Variants in ARPC5 observed in about 807,000 individuals in gnomAD.
The protein encoded by ARPC5 is actin-related protein 2/3 complex subunit 5.
In ARPC5, 5 loss-of-function variants were observed where a neutral mutation model predicts 15.4. That is an observed-to-expected ratio of 0.32 (90% CI 0.17 to 0.68). The LOEUF is 0.68. Ranked by LOEUF, ARPC5 falls within the 30% of genes least tolerant of loss-of-function variation. The probability of loss-of-function intolerance (pLI) is 0.71; values close to 1 mark genes in which losing one functional copy is unlikely to be tolerated. For missense variants in ARPC5, 138 were observed against 192.8 expected (o/e 0.72, Z 1.68); for synonymous variants, 85 against 72.2 (o/e 1.18, Z -0.90).
rs1188330701 is a variant in ARPC5, at chr1:183,632,670, A to G, written c.216+412T>C. 3 of 154,128 alleles carry G rather than the reference A, an allele frequency of 1.9e-5. No individual in the cohort carries two copies. In the South Asian group the frequency reaches 5.7e-4, roughly 29 times the overall value. The allele number at this position is 154,128 out of a possible 1,614,324, so 9.5% of individuals were successfully genotyped here. On this transcript the variant is annotated intron_variant, in intron 2 of 3. Coordinates refer to ENST00000359856, the MANE Select transcript of ARPC5 (RefSeq NM_005717.4). ...GTTATCTCTGGGTGCTGGGACCACA[A>G]ACCACTATCTTTTTAACCTTCTCAT...
chr1:183,628,156 G>A (rs928462633), intron 3 of ARPC5, among the ~76,000 whole-genome samples: 5 of 108,310 alleles, frequency 4.6e-5, no homozygotes, highest in Non-Finnish European at 6.8e-5. Context: ...CTGGGCGACA[G>A]AGCAAGACTC....
chr1:183,628,240 T>A (rs1012017682), intron 3 of ARPC5, among the ~76,000 whole-genome samples: 1 of 148,486 alleles, frequency 6.7e-6, no homozygotes, highest in Non-Finnish European at 1.5e-5. Flanking sequence ...CAGGTGGACA[T>A]TCTGCATTTC....
At chr1:183,635,428 T>G (rs1476806089) in intron 1 of ARPC5, 89 bp downstream of exon 1, 2 of 1,417,174 alleles carry the variant, frequency 1.4e-6, no homozygotes, top group Non-Finnish European at 1.9e-6. Flanking sequence ...TCCGCGCCGG[T>G]GCCCCGCGGA....
At position 183,633,112 on chromosome 1, in the gene ARPC5, G is replaced by A. The variant is rs138086904; in HGVS notation, c.186C>T (p.Pro62=). 4 of 1,604,724 alleles carry A rather than the reference G, an allele frequency of 2.5e-6. No individual in the cohort carries two copies. The highest frequency in any genetic ancestry group is 1.1e-5 in the South Asian group (1 of 89,554). Residue 62 remains proline (P), a synonymous_variant, in exon 2 of 4, where the codon CCC becomes CCT. Transcript: ENST00000359856. The stretch of plus-strand genomic sequence containing the variant: ...CTGCCTGACTCTTGGTGTTGATAGG[G>A]GGGTTCTTCAGAGCTGCCTGTAGGG... The part of the protein sequence containing the change: ...TAALQAALKN[P]PINTKSQAVK...
rs748583299 is a variant in ARPC5 at position 183,623,458 on chromosome 1, C to A, written c.*4074G>T. Reference sequence around the variant, plus strand: ...CCCGGGCCTCCTCCATATCTGGAATCATACAAGAGGCACCTGCACAGAACG... The same window carrying A: ...CCCGGGCCTCCTCCATATCTGGAATAATACAAGAGGCACCTGCACAGAACG... On this transcript the variant is annotated 3_prime_UTR_variant, in exon 4 of 4. Transcript: ENST00000359856. 72 of 1,550,244 alleles carry A rather than the reference C, an allele frequency of 4.6e-5. No homozygotes were observed. Among genetic ancestry groups the A allele is most frequent in the Non-Finnish European group, 5.9e-5 (68 of 1,146,908 alleles).
chr1:183,623,402 G>A lies in ARPC5; in HGVS notation c.*4130C>T. The A allele has an allele frequency of 6.5e-7, 1 of 1,550,122 alleles. No homozygotes were observed. Among genetic ancestry groups the A allele is most frequent in the Admixed American group, 2.0e-5 (1 of 51,004 alleles). On this transcript the variant is annotated 3_prime_UTR_variant, in exon 4 of 4. Coordinates refer to ENST00000359856, the MANE Select transcript of ARPC5 (RefSeq NM_005717.4). ...ATGTGGTGAAGTAGCACCACCTTGA[G>A]GCAGATGACATGCTGTACCTCTGTG...
chr1:183,628,429 C>A (rs1158722462), intron 3 of ARPC5, among the ~76,000 whole-genome samples: 3 of 152,032 alleles, frequency 2.0e-5, no homozygotes, highest in African/African-American at 7.2e-5. Context: ...GAGTAATGAT[C>A]AAGTATTAGG....
intron 3 of ARPC5, among the ~76,000 whole-genome samples, chr1:183,627,903 G>C (rs1017140312): frequency 6.6e-6 from 1 of 152,142 alleles, no homozygotes; most frequent in East Asian, 1.9e-4. Flanking sequence ...GCCGGGCGCG[G>C]TGGCTCACGC....
rs4084535 is a variant in ARPC5 at position 183,624,377 on chromosome 1, G to A, written c.*3155C>T. ...ATACAAAAAATTAGCCGGGCGTGGT[G>A]GCGGGCGCCTGTAGTCCCAGCTACT... On this transcript the variant is annotated 3_prime_UTR_variant, in exon 4 of 4. Transcript: ENST00000359856. 0.28 allele frequency: 42,477 copies of A among 151,858 alleles called. 6,689 individuals carry two copies. The highest frequency in any genetic ancestry group is 0.38 in the Middle Eastern group (111 of 294). 9.4% of individuals were successfully genotyped at this position (151,858 alleles called of 1,614,324 possible).
intron 1 of ARPC5, among the ~76,000 whole-genome samples, chr1:183,635,013 C>T (rs1443452083): frequency 2.0e-5 from 3 of 150,346 alleles, no homozygotes; most frequent in African/African-American, 7.3e-5. Context: ...AAGGAATAAA[C>T]TACCTTAACG....
At position 183,623,599 on chromosome 1, in the gene ARPC5, C is replaced by T. The variant is rs1648999702; in HGVS notation, c.*3933G>A. 3.0e-6 allele frequency: 4 copies of T among 1,333,664 alleles called. No homozygotes were observed. The highest frequency in any genetic ancestry group is 4.2e-6 in the Non-Finnish European group (4 of 953,804). 82.6% of individuals were successfully genotyped at this position (1,333,664 alleles called of 1,614,324 possible). On this transcript the variant is annotated 3_prime_UTR_variant, in exon 4 of 4. Coordinates refer to ENST00000359856, the MANE Select transcript of ARPC5 (RefSeq NM_005717.4). ...ACAGAAGCAGCCTTGTTTAAGGGCACTTGGTTCTACAGAGGCCGTTGGTCT... is the reference window on the plus strand; with the variant it reads ...ACAGAAGCAGCCTTGTTTAAGGGCATTTGGTTCTACAGAGGCCGTTGGTCT...
In ARPC5 at chr1:183,622,389, A is replaced by T. The variant is rs1648964074; in HGVS notation, c.*5143T>A. ...CCTTTAACTTAGCAAATTGAAGAAA[A>T]TCTTAGTTGCCCTGGCATCTTGATT... On this transcript the variant is annotated 3_prime_UTR_variant, in exon 4 of 4. Transcript: ENST00000359856. 6.6e-6 allele frequency: 1 copy of T among 152,244 alleles called. No homozygotes were observed. The highest frequency in any genetic ancestry group is 2.4e-5 in the African/African-American group (1 of 41,466). The allele number at this position is 152,244 out of a possible 1,614,324, so 9.4% of individuals were successfully genotyped here.
Position 183,635,729 on chromosome 1 carries a change from C to G in ARPC5, c.-70G>C, listed in dbSNP as rs1649476255. The G allele has an allele frequency of 1.3e-6, 2 of 1,552,546 alleles. No individual in the cohort carries two copies. On this transcript the variant is annotated 5_prime_UTR_variant, in exon 1 of 4. Transcript: ENST00000359856. ...TACCTCAGCAAGCCCAGCCCAGCAA[C>G]CCACTACCCGGCGCCTGATTCACTT...
Position 183,623,650 on chromosome 1 carries a change from A to G in ARPC5, c.*3882T>C. 1.4e-6 allele frequency: 1 copy of G among 735,716 alleles called. No homozygotes were observed. Among genetic ancestry groups the G allele is most frequent in the East Asian group, 2.7e-5 (1 of 36,506 alleles). The allele number at this position is 735,716 out of a possible 1,614,324, so 45.6% of individuals were successfully genotyped here. On this transcript the variant is annotated 3_prime_UTR_variant, in exon 4 of 4. Coordinates refer to ENST00000359856, the MANE Select transcript of ARPC5 (RefSeq NM_005717.4). ...GTTCCTTAATTGGGTGTGTTTTTCA[A>G]TTATTTTGGTGCTTTTAACATATTT...
At chr1:183,629,873 A>G (rs1474373161) in intron 3 of ARPC5, among the ~76,000 whole-genome samples, 1 of 152,180 alleles carries the variant, frequency 6.6e-6, no homozygotes, top group Non-Finnish European at 1.5e-5. Flanking sequence ...GTACCTATTA[A>G]GCACTAACTC....
At chr1:183,630,415 C>T in intron 3 of ARPC5, 46 bp downstream of exon 3, 11 of 1,434,576 alleles carry the variant, frequency 7.7e-6, no homozygotes, top group Non-Finnish European at 9.4e-6. Context: ...TTGTCATTCC[C>T]TATTGTAAAA....
chr1:183,627,732 G>C, intron 3 of ARPC5, 138 bp from the exon 4 acceptor site: 1 of 717,982 alleles, frequency 1.4e-6, no homozygotes, highest in South Asian at 1.6e-5. Flanking sequence ...ATAAATTCTT[G>C]AGCACCAATT....
At chr1:183,628,172 CAAAAAAAAAAA>C (rs3068220) in intron 3 of ARPC5, among the ~76,000 whole-genome samples, 14 of 46,068 alleles carry the variant, frequency 3.0e-4, no homozygotes, top group Admixed American at 6.7e-4. Context: ...GACTCCGTCT[CAAAAAAAAAAA>C]AAAAAAAAAA....
At position 183,625,206 on chromosome 1, in the gene ARPC5, C is replaced by T. The variant is rs550226128; in HGVS notation, c.*2326G>A. 13 of 152,346 alleles carry T rather than the reference C, an allele frequency of 8.5e-5. No individual in the cohort carries two copies. The highest frequency in any genetic ancestry group is 2.6e-4 in the Admixed American group (4 of 15,300). 9.4% of individuals were successfully genotyped at this position (152,346 alleles called of 1,614,324 possible). A position where few individuals can be genotyped will look rare whatever the true frequency, so the allele number is the denominator to read the frequency against. Reference sequence around the variant, plus strand: ...TTTCCGCAATTAATCCTATTCCCAACTCTTCACCAAGGATAGTACTGTGTC... The same window carrying T: ...TTTCCGCAATTAATCCTATTCCCAATTCTTCACCAAGGATAGTACTGTGTC... On this transcript the variant is annotated 3_prime_UTR_variant, in exon 4 of 4. Transcript: ENST00000359856.
Sources: gnomAD v4.1 joint callset for allele counts (sites outside exome capture counted in the v4.1 genomes callset) on GRCh38, gnomAD v4.1.1 for gene constraint, MANE v1.5 for transcripts, NCBI Gene and HGNC (gene_info 2026-07-23, HGNC 2026-07-21) for gene names.